Variants in TPRG1 observed in about 807,000 individuals in gnomAD.
TPRG1 encodes tumor protein p63 regulated 1, also known as tumor protein p63-regulated gene 1 protein.
TPRG1 carries 29 observed loss-of-function variants against 29.3 expected under a neutral mutation model. That is an observed-to-expected ratio of 0.99 (90% CI 0.74 to 1.35). TPRG1 has a LOEUF of 1.35. Ranked by LOEUF, TPRG1 falls within the 40% of genes most tolerant of loss-of-function variation. TPRG1 has a pLI of 0.00. For missense variants in TPRG1, 327 were observed against 335.0 expected (o/e 0.98, Z 0.19); for synonymous variants, 130 against 116.8 (o/e 1.11, Z -0.73).
intron 4 of TPRG1, among the ~76,000 whole-genome samples, chr3:189,269,101 TTC>T (rs1276987144): frequency 2.0e-5 from 3 of 151,964 alleles, no homozygotes; most frequent in African/African-American, 7.2e-5. Flanking sequence ...GTTTTTTTTT[TTC>T]TTTTTTTCTT....
chr3:189,150,799 C>T (rs920724267), exon 5 of TPRG1: 2 of 152,178 alleles, frequency 1.3e-5, no homozygotes, highest in African/African-American at 4.8e-5. Flanking sequence ...TCTCCACGTA[C>T]TGTCTGGTAT....
intron 4 of TPRG1, among the ~76,000 whole-genome samples, chr3:189,056,104 C>G (rs1374295973): frequency 1.6e-5 from 2 of 127,590 alleles, no homozygotes; most frequent in African/African-American, 3.0e-5. Flanking sequence ...TTCCTTCCCT[C>G]TTTCTTTTCT....
At chr3:189,220,510 G>A (rs940520298) in intron 3 of TPRG1, among the ~76,000 whole-genome samples, 1 of 152,122 alleles carries the variant, frequency 6.6e-6, no homozygotes, top group Non-Finnish European at 1.5e-5. Context: ...ATGGGGATTT[G>A]TTGTACAGGT....
intron 4 of TPRG1, among the ~76,000 whole-genome samples, chr3:189,067,348 C>T (rs1319446716): frequency 6.6e-6 from 1 of 151,954 alleles, no homozygotes; most frequent in Non-Finnish European, 1.5e-5. Context: ...CCACAAAATG[C>T]CCAGAATAGA....
intron 4 of TPRG1, among the ~76,000 whole-genome samples, chr3:189,301,298 C>CAAAAA (rs10618021): frequency 4.6e-5 from 2 of 43,614 alleles, no homozygotes; most frequent in Non-Finnish European, 4.2e-5. Flanking sequence ...GACTCCATCT[C>CAAAAA]AAAAAAAAAA....
At chr3:189,013,798 G>A (rs1350538261) in intron 3 of TPRG1, among the ~76,000 whole-genome samples, 1 of 151,734 alleles carries the variant, frequency 6.6e-6, no homozygotes, top group East Asian at 1.9e-4. Context: ...GTCTTTTTTT[G>A]ACTTTTGTTG....
At chr3:189,198,374 G>A (rs1732907786) in intron 1 of TPRG1, among the ~76,000 whole-genome samples, 1 of 152,128 alleles carries the variant, frequency 6.6e-6, no homozygotes, top group Non-Finnish European at 1.5e-5. Context: ...ACAAAAGGCT[G>A]CCATTATCTG....
intron 2 of TPRG1, among the ~76,000 whole-genome samples, chr3:189,208,786 A>G (rs1190155311): frequency 6.6e-6 from 1 of 152,158 alleles, no homozygotes; most frequent in Non-Finnish European, 1.5e-5. Flanking sequence ...CATCTCTTGG[A>G]GTTGTGCTAT....
chr3:189,255,392 A>T (rs763804363), intron 4 of TPRG1, among the ~76,000 whole-genome samples: 1 of 152,188 alleles, frequency 6.6e-6, no homozygotes, highest in Non-Finnish European at 1.5e-5. Flanking sequence ...CATGGTGGAT[A>T]ATCTTTTTGA....
chr3:189,135,148 C>T (rs998539793), intron 3 of TPRG1, among the ~76,000 whole-genome samples: 2 of 152,094 alleles, frequency 1.3e-5, no homozygotes, highest in African/African-American at 4.8e-5. Context: ...TAGCCAGAGA[C>T]TTGGCCATCT....
At chr3:189,184,828 C>A (rs1177523679) in intron 1 of TPRG1, among the ~76,000 whole-genome samples, 4 of 152,204 alleles carry the variant, frequency 2.6e-5, no homozygotes, top group African/African-American at 9.7e-5. Context: ...TATTAAGTAT[C>A]TATTCTGTTC....
chr3:189,203,555 A>G (rs1231830515), intron 1 of TPRG1, among the ~76,000 whole-genome samples: 1 of 152,156 alleles, frequency 6.6e-6, no homozygotes, highest in Non-Finnish European at 1.5e-5. Flanking sequence ...TGCTACTGCA[A>G]TGTTTGCGTG....
At chr3:189,219,554 G>A (rs1462125852) in intron 3 of TPRG1, 2 of 1,177,386 alleles carry the variant, frequency 1.7e-6, no homozygotes, top group Admixed American at 3.4e-5. Flanking sequence ...AAAAAACTAT[G>A]TGTTTGCTTT....
At chr3:189,035,184 G>C (rs1483287394) in intron 4 of TPRG1, among the ~76,000 whole-genome samples, 6 of 152,028 alleles carry the variant, frequency 3.9e-5, no homozygotes, top group Non-Finnish European at 8.8e-5. Context: ...CAAGTAATAA[G>C]GAAAGGACTT....
At chr3:189,266,628 T>G (rs1412947749) in intron 4 of TPRG1, among the ~76,000 whole-genome samples, 1 of 152,080 alleles carries the variant, frequency 6.6e-6, no homozygotes, top group Non-Finnish European at 1.5e-5. Flanking sequence ...ATCTCACAAT[T>G]CAGGCCAAGC....
intron 1 of TPRG1, among the ~76,000 whole-genome samples, chr3:189,193,578 T>G (rs935165113): frequency 6.6e-6 from 1 of 151,544 alleles, no homozygotes; most frequent in African/African-American, 2.4e-5. Context: ...TGTCCATAAG[T>G]CTTGTAAGCT....
chr3:189,195,155 C>T (rs1732327249), intron 1 of TPRG1, among the ~76,000 whole-genome samples: 1 of 152,020 alleles, frequency 6.6e-6, no homozygotes, highest in African/African-American at 2.4e-5. Context: ...TGTTCTGGGC[C>T]ACCTAGGCAC....
intron 3 of TPRG1, among the ~76,000 whole-genome samples, chr3:189,021,217 T>C (rs1315787377): frequency 2.0e-5 from 3 of 150,656 alleles, no homozygotes; most frequent in East Asian, 2.0e-4. Context: ...AATTGGAGCA[T>C]TTAGTCCATT....
chr3:189,033,409 G>T (rs918963286), intron 4 of TPRG1, among the ~76,000 whole-genome samples: 1 of 151,886 alleles, frequency 6.6e-6, no homozygotes, highest in Non-Finnish European at 1.5e-5. Flanking sequence ...AGCCTCCTGA[G>T]TACCTGGGAC....
Sources: gnomAD v4.1 joint callset for allele counts (sites outside exome capture counted in the v4.1 genomes callset) on GRCh38, gnomAD v4.1.1 for gene constraint, MANE v1.5 for transcripts, NCBI Gene and HGNC (gene_info 2026-07-23, HGNC 2026-07-21) for gene names.